Variants in PODXL2 observed in about 807,000 individuals in gnomAD.
The protein encoded by PODXL2 is podocalyxin like 2.
In PODXL2, 17 loss-of-function variants were observed where a neutral mutation model predicts 53.4. The ratio of observed to expected loss-of-function variants is 0.32; its 90% CI spans 0.22 to 0.48. The LOEUF (loss-of-function observed/expected upper bound fraction) is 0.48, where lower values mean the gene tolerates loss of function less well. PODXL2 is among the 20% of genes least tolerant of loss of function. PODXL2 has a pLI of 0.99. For missense variants in PODXL2, 673 were observed against 760.0 expected, an observed-to-expected ratio of 0.89 and a Z score of 1.35; for synonymous variants, 311 against 306.7, an observed-to-expected ratio of 1.01 and a Z score of -0.15.
At chr3:127,666,788 G>T (rs1266753604) in intron 4 of PODXL2, among the ~76,000 whole-genome samples, 2 of 152,160 alleles carry the variant, frequency 1.3e-5, no homozygotes, top group Non-Finnish European at 2.9e-5. Flanking sequence ...ATAATAAGTG[G>T]TATGAAATCT....
At chr3:127,664,784 C>A (rs1029697054) in intron 4 of PODXL2, among the ~76,000 whole-genome samples, 1 of 151,882 alleles carries the variant, frequency 6.6e-6, no homozygotes, top group South Asian at 2.1e-4. Context: ...TTTGCACCAA[C>A]CTAAATGGTC....
chr3:127,659,146 C>G (rs2074745595), intron 2 of PODXL2, among the ~76,000 whole-genome samples: 2 of 152,122 alleles, frequency 1.3e-5, no homozygotes, highest in African/African-American at 4.8e-5. Context: ...TGTAATCTTT[C>G]TGAGGATACT....
intron 1 of PODXL2, among the ~76,000 whole-genome samples, chr3:127,631,407 CTTG>C (rs2074544979): frequency 6.6e-6 from 1 of 152,170 alleles, no homozygotes; most frequent in African/African-American, 2.4e-5. Context: ...TCGCTGGGGT[CTTG>C]TTTTTTTCAC....
At chr3:127,651,692 C>T (rs2074689956) in intron 2 of PODXL2, among the ~76,000 whole-genome samples, 1 of 152,346 alleles carries the variant, frequency 6.6e-6, no homozygotes, top group African/African-American at 2.4e-5. Flanking sequence ...ACCCTAACCA[C>T]GGATACACCT....
rs764449398 is a variant in PODXL2, at chr3:127,669,132, AC to A, written c.1364-3del. 2.2e-5 allele frequency: 35 copies of A among 1,593,812 alleles called. No individual in the cohort carries two copies. The highest frequency in any genetic ancestry group is 2.7e-5 in the African/African-American group (2 of 73,574). On this transcript the variant is annotated splice_polypyrimidine_tract_variant and splice_region_variant and intron_variant, in intron 5 of 7. Coordinates refer to ENST00000342480, the MANE Select transcript of PODXL2 (RefSeq NM_015720.4). ...GGTCACACTGATAGTGGTGTTTCTTACCCCCCAGGGGTGGTGCCCACTCAAG... is the reference window on the plus strand; with the variant it reads ...GGTCACACTGATAGTGGTGTTTCTTACCCCCAGGGGTGGTGCCCACTCAAG...
intron 2 of PODXL2, among the ~76,000 whole-genome samples, chr3:127,647,706 C>T (rs1441860386): frequency 6.6e-6 from 1 of 152,218 alleles, no homozygotes; most frequent in African/African-American, 2.4e-5. Context: ...TGGTCCTGGG[C>T]ACCGGCTTGG....
intron 2 of PODXL2, among the ~76,000 whole-genome samples, chr3:127,646,942 C>T (rs766182884): frequency 1.3e-5 from 2 of 152,162 alleles, no homozygotes; most frequent in Non-Finnish European, 2.9e-5. Context: ...TCCATTCTGT[C>T]ACTAGGACTT....
intron 2 of PODXL2, among the ~76,000 whole-genome samples, chr3:127,648,032 A>AT (rs112723811): frequency 1.3e-5 from 2 of 151,816 alleles, no homozygotes; most frequent in African/African-American, 2.4e-5. Flanking sequence ...TTTCACTTGG[A>AT]TTTTTTTTTA....
At chr3:127,634,899 A>C (rs1427707204) in intron 1 of PODXL2, among the ~76,000 whole-genome samples, 1 of 152,272 alleles carries the variant, frequency 6.6e-6, no homozygotes, top group East Asian at 1.9e-4. Context: ...GGGACAGATG[A>C]GTGCAGGGGG....
rs533044276 is a variant in PODXL2 at position 127,632,089 on chromosome 3, C to T, written c.70+2800C>T. Among the ~76,000 whole-genome samples the T allele has an allele frequency of 1.3e-3, 192 of 152,316 alleles. No homozygotes were observed. In the South Asian group the frequency reaches 0.013, roughly 11 times the overall value. On this transcript the variant is annotated intron_variant, in intron 1 of 7. Coordinates refer to ENST00000342480, the MANE Select transcript of PODXL2 (RefSeq NM_015720.4). ...TGGAAATGACAGGGAAGGGGCCTAG[C>T]AAACACACCAGACCACAGTACTGTG...
intron 2 of PODXL2, among the ~76,000 whole-genome samples, chr3:127,650,593 A>G (rs957660532): frequency 4.6e-5 from 7 of 152,126 alleles, no homozygotes; most frequent in Admixed American, 1.3e-4. Context: ...TCATTCAGCA[A>G]ATATTTACTG....
At chr3:127,651,042 A>G (rs2074685950) in intron 2 of PODXL2, among the ~76,000 whole-genome samples, 2 of 152,280 alleles carry the variant, frequency 1.3e-5, no homozygotes, top group South Asian at 4.1e-4. Context: ...AGACGGGTGG[A>G]TCACCTGAGG....
chr3:127,640,072 G>A (rs1200049182), intron 2 of PODXL2, among the ~76,000 whole-genome samples: 4 of 152,356 alleles, frequency 2.6e-5, no homozygotes, highest in African/African-American at 9.6e-5. Context: ...GCTAGAGCTG[G>A]TGTTTGGATC....
Position 127,669,132 on chromosome 3 carries a change from A to G in PODXL2, c.1364-9A>G, listed in dbSNP as rs909244317. 6.3e-7 allele frequency: 1 copy of G among 1,593,800 alleles called. No individual in the cohort carries two copies. The highest frequency in any genetic ancestry group is 1.4e-5 in the African/African-American group (1 of 73,572). Reference sequence around the variant, plus strand: ...GGTCACACTGATAGTGGTGTTTCTTACCCCCCAGGGGTGGTGCCCACTCAA... The same window carrying G: ...GGTCACACTGATAGTGGTGTTTCTTGCCCCCCAGGGGTGGTGCCCACTCAA... On this transcript the variant is annotated splice_polypyrimidine_tract_variant and intron_variant, in intron 5 of 7. Transcript: ENST00000342480.
rs1237999880 is a variant in PODXL2 at position 127,672,289 on chromosome 3, T to A, written c.1627T>A (p.Phe543Ile). 1 of 1,546,252 alleles carries A rather than the reference T, an allele frequency of 6.5e-7. No homozygotes were observed. The highest frequency in any genetic ancestry group is 2.4e-5 in the East Asian group (1 of 40,982). ...KHVSHGEELR[F>I]VENGCHDNPT... ...TCAGTCGCACGGCGAGGAGCTGCGC[T>A]TCGTGGAGAACGGCTGCCACGACAA... Residue 543 changes from phenylalanine to isoleucine, a missense_variant, in exon 8 of 8, where the codon TTC (phenylalanine) becomes ATC (isoleucine). Coordinates refer to ENST00000342480, the MANE Select transcript of PODXL2 (RefSeq NM_015720.4).
intron 4 of PODXL2, among the ~76,000 whole-genome samples, chr3:127,668,110 G>A (rs1310170632): frequency 2.1e-5 from 2 of 95,324 alleles, no homozygotes; most frequent in African/African-American, 6.0e-5. Context: ...GCGTGTGTGT[G>A]TGTGTGTGTG....
At chr3:127,665,917 G>A in intron 4 of PODXL2, 1 of 465,880 alleles carries the variant, frequency 2.1e-6, no homozygotes, top group East Asian at 6.3e-5. Context: ...CTTTTAATGA[G>A]GAAAGGTATT....
intron 2 of PODXL2, among the ~76,000 whole-genome samples, chr3:127,643,651 T>G (rs945941850): frequency 7.9e-5 from 12 of 152,124 alleles, no homozygotes; most frequent in Non-Finnish European, 1.3e-4. Flanking sequence ...TTATTTTTAT[T>G]TTTTGGACAC....
At chr3:127,648,097 T>C (rs572187178) in intron 2 of PODXL2, among the ~76,000 whole-genome samples, 1 of 152,286 alleles carries the variant, frequency 6.6e-6, no homozygotes, top group African/African-American at 2.4e-5. Flanking sequence ...GATCACTGTT[T>C]TACAGCTAAA....
Sources: gnomAD v4.1 joint callset for allele counts (sites outside exome capture counted in the v4.1 genomes callset) on GRCh38, gnomAD v4.1.1 for gene constraint, MANE v1.5 for transcripts, NCBI Gene and HGNC (gene_info 2026-07-23, HGNC 2026-07-21) for gene names.